The following TTC39B variants were observed in gnomAD, a reference collection of about 807,000 sequenced individuals.
TTC39B encodes tetratricopeptide repeat domain 39B, also known as tetratricopeptide repeat protein 39B.
Under a neutral mutation model 96.6 loss-of-function variants are expected in TTC39B, and 92 were observed. The ratio of observed to expected loss-of-function variants is 0.95; its 90% confidence interval spans 0.80 to 1.13. TTC39B has a LOEUF of 1.13. Ranked by LOEUF, TTC39B falls within the 50% of genes most tolerant of loss-of-function variation. The pLI is 0.00. For missense variants in TTC39B, 955 were observed against 809.3 expected (o/e 1.18, Z -2.18); for synonymous variants, 367 against 299.4 (o/e 1.23, Z -2.33).
chr9:15,296,946 C>CTGTGTG (rs1486093549), intron 1 of TTC39B, among the ~76,000 whole-genome samples: 1 of 152,098 alleles, frequency 6.6e-6, no homozygotes, highest in Non-Finnish European at 1.5e-5. Flanking sequence ...ATGATCACAC[C>CTGTGTG]ACTCTAATCT....
At chr9:15,210,676 G>A (rs1176640775) in intron 5 of TTC39B, among the ~76,000 whole-genome samples, 1 of 152,110 alleles carries the variant, frequency 6.6e-6, no homozygotes. Flanking sequence ...TGATCAGGGT[G>A]CTGCAGCCAG....
chr9:15,169,428 C>A (rs1187044791), exon 20 of TTC39B: 1 of 152,034 alleles, frequency 6.6e-6, no homozygotes, highest in Non-Finnish European at 1.5e-5. Context: ...CAATCAGAAC[C>A]CTGCCTCTCC....
At chr9:15,213,437 G>A (rs1277356787) in intron 4 of TTC39B, among the ~76,000 whole-genome samples, 1 of 152,180 alleles carries the variant, frequency 6.6e-6, no homozygotes, top group Non-Finnish European at 1.5e-5. Flanking sequence ...CAGCTCCTCA[G>A]CAGGTCAATC....
chr9:15,182,394 C>G (rs769512891), exon 17 of TTC39B: 26 of 1,610,790 alleles, frequency 1.6e-5, no homozygotes, highest in Middle Eastern at 3.3e-4. Flanking sequence ...ATTGAAAAAC[C>G]ATTCCAGACA....
intron 1 of TTC39B, among the ~76,000 whole-genome samples, chr9:15,303,403 G>C (rs1392517138): frequency 6.7e-6 from 1 of 148,888 alleles, no homozygotes; most frequent in Non-Finnish European, 1.5e-5. Flanking sequence ...TTGAAACGGG[G>C]TCTGTCACCC....
chr9:15,228,858 A>C (rs1821272988), intron 2 of TTC39B, among the ~76,000 whole-genome samples: 1 of 152,240 alleles, frequency 6.6e-6, no homozygotes, highest in Non-Finnish European at 1.5e-5. Context: ...AGAATATAAT[A>C]ATTATTAACA....
chr9:15,234,835 G>T (rs1216612636), intron 2 of TTC39B, among the ~76,000 whole-genome samples: 1 of 151,884 alleles, frequency 6.6e-6, no homozygotes, highest in Admixed American at 6.6e-5. Context: ...AAGGCAGCAT[G>T]CTCCTTAAGA....
intron 1 of TTC39B, among the ~76,000 whole-genome samples, chr9:15,293,321 C>A (rs1824255088): frequency 1.3e-5 from 2 of 152,124 alleles, no homozygotes; most frequent in African/African-American, 4.8e-5. Context: ...TAACACATTT[C>A]TCAGAGAGCA....
intron 1 of TTC39B, among the ~76,000 whole-genome samples, chr9:15,291,341 T>TA (rs1824182610): frequency 6.6e-6 from 1 of 152,208 alleles, no homozygotes; most frequent in South Asian, 2.1e-4. Flanking sequence ...CTGATGGTTT[T>TA]AAAAATGGAA....
intron 11 of TTC39B, 60 bp from the exon 12 acceptor site, chr9:15,189,852 C>T (rs1384690483): frequency 1.7e-6 from 2 of 1,208,418 alleles, no homozygotes; most frequent in Non-Finnish European, 2.4e-6. Flanking sequence ...TTATAACCAG[C>T]TCTCCAAATT....
intron 2 of TTC39B, among the ~76,000 whole-genome samples, chr9:15,250,865 C>T (rs978840895): frequency 5.3e-5 from 8 of 152,156 alleles, no homozygotes; most frequent in East Asian, 1.9e-4. Flanking sequence ...AGAATTGAAA[C>T]GTTTTTAGTA....
At chr9:15,178,888 A>G (rs1818100511) in intron 17 of TTC39B, among the ~76,000 whole-genome samples, 1 of 152,194 alleles carries the variant, frequency 6.6e-6, no homozygotes, top group Non-Finnish European at 1.5e-5. Context: ...AGGAAGTAGA[A>G]TACCCTCTCC....
chr9:15,232,007 G>A (rs767397009), intron 2 of TTC39B, among the ~76,000 whole-genome samples: 2 of 152,084 alleles, frequency 1.3e-5, no homozygotes, highest in Non-Finnish European at 2.9e-5. Context: ...CAGGGCTGGA[G>A]CTTGAGCTCG....
intron 1 of TTC39B, among the ~76,000 whole-genome samples, chr9:15,281,625 C>CAAAAAAAAAAAAAAAAAAAA (rs1161175672): frequency 6.1e-5 from 3 of 49,002 alleles, no homozygotes; most frequent in Admixed American, 5.0e-4. Flanking sequence ...CCTGCAACAG[C>CAAAAAAAAAAAAAAAAAAAA]AAAAAAAAAA....
At chr9:15,300,977 G>C (rs113077034) in intron 1 of TTC39B, among the ~76,000 whole-genome samples, 90 of 150,390 alleles carry the variant, frequency 6.0e-4, no homozygotes, top group Middle Eastern at 3.6e-3. Flanking sequence ...TGACATTCAG[G>C]ACACAATGAC....
chr9:15,173,635 T>C (rs1817775056), intron 19 of TTC39B, among the ~76,000 whole-genome samples: 1 of 152,200 alleles, frequency 6.6e-6, no homozygotes, highest in South Asian at 2.1e-4. Flanking sequence ...TCTAAGAAGA[T>C]GGCATATCCC....
intron 2 of TTC39B, among the ~76,000 whole-genome samples, chr9:15,241,502 T>C (rs1198936650): frequency 2.6e-5 from 4 of 152,114 alleles, no homozygotes; most frequent in Non-Finnish European, 2.9e-5. Flanking sequence ...CTCTCAAAGA[T>C]GATACCTGAG....
exon 20 of TTC39B, chr9:15,167,193 T>C (rs1437774221): frequency 8.0e-6 from 1 of 125,424 alleles, no homozygotes; most frequent in Admixed American, 8.7e-5. Flanking sequence ...CACTCCACCA[T>C]GCACGGCTCA....
chr9:15,278,834 C>G (rs1006134959), intron 1 of TTC39B, among the ~76,000 whole-genome samples: 2 of 152,184 alleles, frequency 1.3e-5, no homozygotes, highest in Non-Finnish European at 2.9e-5. Flanking sequence ...ACAATTACTA[C>G]TATGTTCTAA....
Sources: gnomAD v4.1 joint callset for allele counts (sites outside exome capture counted in the v4.1 genomes callset) on GRCh38, gnomAD v4.1.1 for gene constraint, MANE v1.5 for transcripts, NCBI Gene and HGNC (gene_info 2026-07-23, HGNC 2026-07-21) for gene names.